The following CDH23 variants were observed in gnomAD, a reference collection of about 807,000 sequenced individuals.
The protein encoded by CDH23 is cadherin-23.
CDH23 carries 189 observed loss-of-function variants against 317.1 expected under a neutral mutation model. That is an observed-to-expected ratio of 0.60 (90% CI 0.53 to 0.67). The LOEUF (loss-of-function observed/expected upper bound fraction) is 0.67, where lower values mean the gene tolerates loss of function less well. Ranked by LOEUF, CDH23 falls within the 30% of genes least tolerant of loss-of-function variation. The pLI is 0.00. For synonymous variants in CDH23, 1,839 were observed against 1,876.8 expected (o/e 0.98, Z 0.52); for missense variants, 4,401 against 4,592.4 (o/e 0.96, Z 1.20).
chr10:71,667,359 A>AGAGAGAGAGAGTGTGTGT (rs58361666), intron 14 of CDH23, among the ~76,000 whole-genome samples: 1,705 of 111,918 alleles, frequency 0.015, 17 homozygotes, highest in Middle Eastern at 0.022. Context: ...AGAGAGAGAG[A>AGAGAGAGAGAGTGTGTGT]GTGTGTGTGT....
intron 3 of CDH23, among the ~76,000 whole-genome samples, chr10:71,451,131 C>T (rs1850421674): frequency 6.6e-6 from 1 of 152,066 alleles, no homozygotes; most frequent in African/African-American, 2.4e-5. Context: ...TCCCTTAGGG[C>T]ATCCTGTTGG....
chr10:71,686,704 G>A (rs531220327), intron 18 of CDH23, among the ~76,000 whole-genome samples: 3 of 152,258 alleles, frequency 2.0e-5, no homozygotes, highest in Non-Finnish European at 4.4e-5. Flanking sequence ...ACTGCCCAAC[G>A]GTGCCGGGAC....
intron 3 of CDH23, among the ~76,000 whole-genome samples, chr10:71,450,665 G>A (rs186897046): frequency 3.8e-4 from 58 of 152,218 alleles, no homozygotes; most frequent in Non-Finnish European, 7.8e-4. Flanking sequence ...AGACCTTGTG[G>A]CCTTCAATTG....
chr10:71,496,525 A>G (rs983175116), intron 3 of CDH23, among the ~76,000 whole-genome samples: 6 of 152,182 alleles, frequency 3.9e-5, no homozygotes, highest in African/African-American at 1.4e-4. Flanking sequence ...AGAACTTTCC[A>G]AAGCCCAAGC....
intron 1 of CDH23, among the ~76,000 whole-genome samples, chr10:71,419,166 A>G (rs1159582186): frequency 6.6e-6 from 1 of 152,126 alleles, no homozygotes; most frequent in Non-Finnish European, 1.5e-5. Flanking sequence ...TCTAAGACAT[A>G]TGCATACTCT....
chr10:71,600,472 A>G (rs532892209), intron 9 of CDH23, among the ~76,000 whole-genome samples: 42 of 152,016 alleles, frequency 2.8e-4, no homozygotes, highest in African/African-American at 9.6e-4. Flanking sequence ...CCAGCAGTGA[A>G]GATGTCTGTT....
intron 14 of CDH23, among the ~76,000 whole-genome samples, chr10:71,673,979 G>A (rs1864252731): frequency 6.6e-6 from 1 of 152,142 alleles, no homozygotes; most frequent in African/African-American, 2.4e-5. Flanking sequence ...GCCTGGCTGG[G>A]GTGGTGGCGG....
chr10:71,740,780 G>A (rs779829150), intron 36 of CDH23, 42 bp from the exon 37 acceptor site: 131 of 1,612,044 alleles, frequency 8.1e-5, no homozygotes, highest in Middle Eastern at 1.7e-4. Flanking sequence ...AATCCTGCCC[G>A]CCACGCTTTA....
intron 19 of CDH23, 114 bp from the exon 20 acceptor site, chr10:71,690,354 G>C (rs944374976): frequency 3.0e-6 from 2 of 668,560 alleles, no homozygotes; most frequent in African/African-American, 1.8e-5. Flanking sequence ...GTCACTGGGA[G>C]GGTCCCACGT....
At chr10:71,647,442 G>A (rs1386312264) in intron 14 of CDH23, among the ~76,000 whole-genome samples, 8 of 144,276 alleles carry the variant, frequency 5.5e-5, no homozygotes, top group East Asian at 4.1e-4. Flanking sequence ...CAGCCTGGGC[G>A]ACAGAGCCAG....
chr10:71,601,155 G>A (rs1357448476), intron 9 of CDH23, among the ~76,000 whole-genome samples: 1 of 152,222 alleles, frequency 6.6e-6, no homozygotes, highest in African/African-American at 2.4e-5. Flanking sequence ...GGCACAATCT[G>A]CATCCTTTCT....
intron 3 of CDH23, among the ~76,000 whole-genome samples, chr10:71,453,988 A>G (rs1177665764): frequency 6.6e-6 from 1 of 152,202 alleles, no homozygotes; most frequent in Non-Finnish European, 1.5e-5. Flanking sequence ...GAAATAATCA[A>G]CTTTGGTTGG....
chr10:71,500,350 C>T (rs77440176), intron 3 of CDH23, among the ~76,000 whole-genome samples: 4,556 of 152,320 alleles, frequency 0.03, 239 homozygotes, highest in African/African-American at 0.1. Flanking sequence ...GGGTTTGTGT[C>T]GTCCGGCTCT....
intron 3 of CDH23, among the ~76,000 whole-genome samples, chr10:71,463,982 C>A (rs888128909): frequency 1.3e-5 from 2 of 152,218 alleles, no homozygotes; most frequent in Non-Finnish European, 2.9e-5. Flanking sequence ...TCCATAACTA[C>A]TATAAGCCCT....
intron 9 of CDH23, among the ~76,000 whole-genome samples, chr10:71,597,271 C>T (rs1418820613): frequency 6.6e-6 from 1 of 152,076 alleles, no homozygotes; most frequent in Non-Finnish European, 1.5e-5. Flanking sequence ...CCGTCTTTCT[C>T]CCAACATGGG....
chr10:71,706,314 C>T (rs769203890), intron 25 of CDH23, among the ~76,000 whole-genome samples: 4 of 152,116 alleles, frequency 2.6e-5, no homozygotes, highest in Non-Finnish European at 4.4e-5. Context: ...AAGTGAGCTC[C>T]CTTTGCTGAA....
chr10:71,697,889 G>A (rs186985485), intron 22 of CDH23, among the ~76,000 whole-genome samples: 71 of 152,350 alleles, frequency 4.7e-4, no homozygotes, highest in African/African-American at 1.5e-3. Context: ...CACCGCTGGC[G>A]TCAGGTGGGC....
At chr10:71,475,926 AG>A (rs973833089) in intron 3 of CDH23, among the ~76,000 whole-genome samples, 2 of 152,236 alleles carry the variant, frequency 1.3e-5, no homozygotes, top group Non-Finnish European at 2.9e-5. Context: ...CATGTGGCCT[AG>A]GCAGGTTGGC....
At chr10:71,499,907 C>T (rs542143902) in intron 3 of CDH23, among the ~76,000 whole-genome samples, 2 of 151,184 alleles carry the variant, frequency 1.3e-5, no homozygotes, top group African/African-American at 4.9e-5. Context: ...ATCCCAGCTA[C>T]TCGGGAGGCT....
Sources: gnomAD v4.1 joint callset for allele counts (sites outside exome capture counted in the v4.1 genomes callset) on GRCh38, gnomAD v4.1.1 for gene constraint, MANE v1.5 for transcripts, NCBI Gene and HGNC (gene_info 2026-07-23, HGNC 2026-07-21) for gene names.